The following MARCHF1 variants were observed in gnomAD, a reference collection of about 807,000 sequenced individuals.
MARCHF1 encodes the protein E3 ubiquitin-protein ligase MARCHF1.
MARCHF1 carries 40 observed loss-of-function variants against 54.2 expected under a neutral mutation model. The observed-to-expected ratio is 0.74, with a 90% CI of 0.57 to 0.96. The LOEUF is 0.96. Ranked by LOEUF, MARCHF1 falls within the 40% of genes least tolerant of loss-of-function variation. MARCHF1 has a pLI of 0.00. For missense variants in MARCHF1, 586 were observed against 656.5 expected (o/e 0.89, Z 1.17); for synonymous variants, 236 against 236.3 (o/e 1.00, Z 0.01).
chr4:164,221,010 A>C, intron 1 of MARCHF1, among the ~76,000 whole-genome samples: 1 of 151,972 alleles, frequency 6.6e-6, no homozygotes, highest in East Asian at 1.9e-4. Flanking sequence ...CGTGGAAAAC[A>C]AAGAAGGACA....
At chr4:164,191,343 G>A (rs1477549292) in intron 1 of MARCHF1, among the ~76,000 whole-genome samples, 2 of 152,132 alleles carry the variant, frequency 1.3e-5, no homozygotes, top group Non-Finnish European at 1.5e-5. Context: ...TACAGTATCT[G>A]TTAGAATACA....
intron 4 of MARCHF1, among the ~76,000 whole-genome samples, chr4:163,745,570 T>C (rs6836852): frequency 1.3e-5 from 2 of 152,064 alleles, no homozygotes; most frequent in African/African-American, 2.4e-5. Flanking sequence ...TGAGAAGCAG[T>C]TCTCAAATAG....
chr4:163,800,481 A>T (rs1178367871), intron 4 of MARCHF1, among the ~76,000 whole-genome samples: 1 of 151,900 alleles, frequency 6.6e-6, no homozygotes, highest in East Asian at 1.9e-4. Context: ...TTTACTTTTA[A>T]CTTTTAAATC....
intron 1 of MARCHF1, among the ~76,000 whole-genome samples, chr4:164,164,020 A>G (rs1011686275): frequency 3.9e-5 from 6 of 151,966 alleles, no homozygotes; most frequent in East Asian, 1.9e-4. Flanking sequence ...AATTGAATAT[A>G]TGTTCAACTA....
At chr4:164,011,002 G>A (rs1460122905) in intron 2 of MARCHF1, among the ~76,000 whole-genome samples, 2 of 152,142 alleles carry the variant, frequency 1.3e-5, no homozygotes, top group African/African-American at 2.4e-5. Context: ...CCAAAAATAT[G>A]CAATGGTGAA....
intron 4 of MARCHF1, among the ~76,000 whole-genome samples, chr4:163,834,795 G>C (rs1749133284): frequency 6.6e-6 from 1 of 151,548 alleles, no homozygotes; most frequent in East Asian, 1.9e-4. Context: ...ATTATACCAG[G>C]GCCTTTTAGG....
chr4:164,330,940 T>C (rs1355673786), intron 1 of MARCHF1, among the ~76,000 whole-genome samples: 2 of 152,190 alleles, frequency 1.3e-5, no homozygotes, highest in African/African-American at 4.8e-5. Flanking sequence ...TGATTTTGAA[T>C]GGTACCTACA....
chr4:164,136,108 A>G (rs1301374216), intron 1 of MARCHF1, among the ~76,000 whole-genome samples: 1 of 151,670 alleles, frequency 6.6e-6, no homozygotes, highest in Non-Finnish European at 1.5e-5. Flanking sequence ...GATCAGCATC[A>G]GTTTAAATAT....
At chr4:164,254,939 T>C (rs1346936272) in intron 1 of MARCHF1, among the ~76,000 whole-genome samples, 1 of 152,120 alleles carries the variant, frequency 6.6e-6, no homozygotes, top group Non-Finnish European at 1.5e-5. Context: ...TCCAATCAAG[T>C]TGACAGTATT....
chr4:164,078,589 A>G (rs1755027843), intron 2 of MARCHF1, among the ~76,000 whole-genome samples: 1 of 152,200 alleles, frequency 6.6e-6, no homozygotes, highest in Non-Finnish European at 1.5e-5. Flanking sequence ...AAAGTAAAAG[A>G]TTTAAAATGT....
intron 7 of MARCHF1, among the ~76,000 whole-genome samples, chr4:163,596,533 G>C (rs1740776401): frequency 1.2e-5 from 1 of 81,904 alleles, no homozygotes; most frequent in Non-Finnish European, 2.2e-5. Context: ...GTGTGAGGCT[G>C]TCTCAAAAAA....
chr4:164,257,689 C>G (rs1194425502), intron 1 of MARCHF1, among the ~76,000 whole-genome samples: 1 of 151,794 alleles, frequency 6.6e-6, no homozygotes. Flanking sequence ...ATTGTGTGGC[C>G]AGGCATGGCA....
At chr4:164,022,670 A>T (rs1246548645) in intron 2 of MARCHF1, among the ~76,000 whole-genome samples, 1 of 152,230 alleles carries the variant, frequency 6.6e-6, no homozygotes, top group Non-Finnish European at 1.5e-5. Flanking sequence ...GCTTTTGTGC[A>T]TGGAGCAGCT....
intron 4 of MARCHF1, among the ~76,000 whole-genome samples, chr4:163,741,225 A>C (rs1273183165): frequency 6.6e-6 from 1 of 152,164 alleles, no homozygotes; most frequent in Non-Finnish European, 1.5e-5. Flanking sequence ...CTGTTACCCC[A>C]ATTATGTTTT....
chr4:163,591,998 G>A (rs932713783), intron 7 of MARCHF1, among the ~76,000 whole-genome samples: 12 of 152,072 alleles, frequency 7.9e-5, no homozygotes, highest in African/African-American at 2.9e-4. Flanking sequence ...TATTGACATG[G>A]AGACAGCAAG....
intron 2 of MARCHF1, among the ~76,000 whole-genome samples, chr4:164,069,853 T>C (rs1754825627): frequency 6.6e-6 from 1 of 152,112 alleles, no homozygotes; most frequent in Non-Finnish European, 1.5e-5. Flanking sequence ...AGAGAAGACG[T>C]GGAATTAACC....
intron 3 of MARCHF1, among the ~76,000 whole-genome samples, chr4:163,942,206 A>G (rs1164689573): frequency 2.6e-5 from 4 of 152,190 alleles, no homozygotes; most frequent in Non-Finnish European, 4.4e-5. Context: ...TTCCTTGGAA[A>G]AGTGACCAAC....
intron 4 of MARCHF1, among the ~76,000 whole-genome samples, chr4:163,797,353 ATGTG>A (rs10595715): frequency 1.5e-4 from 22 of 150,082 alleles, no homozygotes; most frequent in African/African-American, 3.7e-4. Context: ...GTGTGTGTTT[ATGTG>A]TGTGTGTGTG....
intron 3 of MARCHF1, among the ~76,000 whole-genome samples, chr4:163,898,585 C>A (rs566065283): frequency 6.6e-6 from 1 of 152,060 alleles, no homozygotes; most frequent in Non-Finnish European, 1.5e-5. Context: ...ACTGTTGGTG[C>A]GAGTGTAAAT....
Sources: gnomAD v4.1 joint callset for allele counts (sites outside exome capture counted in the v4.1 genomes callset) on GRCh38, gnomAD v4.1.1 for gene constraint, MANE v1.5 for transcripts, NCBI Gene and HGNC (gene_info 2026-07-23, HGNC 2026-07-21) for gene names.